The following NHLRC3 variants were observed in gnomAD, a reference collection of about 807,000 sequenced individuals.
NHLRC3 encodes the protein NHL repeat containing 3, also known as NHL repeat-containing protein 3.
NHLRC3 carries 23 observed loss-of-function variants against 32.0 expected under a neutral mutation model. The observed-to-expected ratio is 0.72, with a 90% CI of 0.52 to 1.02. The LOEUF (loss-of-function observed/expected upper bound fraction) is 1.02. NHLRC3 is among the 50% of genes least tolerant of loss of function. NHLRC3 has a pLI of 0.00. For missense variants in NHLRC3, 407 were observed against 406.8 expected (o/e 1.00, Z -0.01); for synonymous variants, 159 against 147.9 (o/e 1.08, Z -0.55).
intron 5 of NHLRC3, 50 bp downstream of exon 5, chr13:39,044,231 GT>G: frequency 4.0e-6 from 1 of 251,066 alleles, no homozygotes; most frequent in Non-Finnish European, 7.7e-6. Flanking sequence ...GAATATGTTT[GT>G]GTGTGTGTGT....
Position 39,038,470 on chromosome 13 carries a change from C to T in NHLRC3, c.-170C>T, listed in dbSNP as rs1318033421. ...CTGTGATTTTCATTCGCCCTGGTCTCTGTTCCCTTTCGTACTCAAAGCTCG... is the reference window on the plus strand; with the variant it reads ...CTGTGATTTTCATTCGCCCTGGTCTTTGTTCCCTTTCGTACTCAAAGCTCG... On this transcript the variant is annotated 5_prime_UTR_variant, in exon 1 of 7. Transcript: ENST00000379600. 1.6e-6 allele frequency: 1 copy of T among 640,486 alleles called. No homozygotes were observed. Among genetic ancestry groups the T allele is most frequent in the East Asian group, 2.6e-5 (1 of 38,268 alleles). 39.7% of individuals were successfully genotyped at this position (640,486 alleles called of 1,614,324 possible).
At chr13:39,039,061 T>TC in intron 1 of NHLRC3, 75 bp from the exon 2 acceptor site, 1 of 760,182 alleles carries the variant, frequency 1.3e-6, no homozygotes, top group Non-Finnish European at 2.3e-6. Flanking sequence ...TAAGCCCTGT[T>TC]ACCCGGCCCC....
At position 39,038,548 on chromosome 13, in the gene NHLRC3, C is replaced by T. The variant is rs1871294516; in HGVS notation, c.-92C>T. On this transcript the variant is annotated 5_prime_UTR_variant, in exon 1 of 7. Coordinates refer to ENST00000379600, the MANE Select transcript of NHLRC3 (RefSeq NM_001012754.4). Reference sequence around the variant, plus strand: ...AGGGTCTTCGGGCCCCGGGCAGACCCTCTGTGCCGCTGCAAACCGTTGCAG... The same window carrying T: ...AGGGTCTTCGGGCCCCGGGCAGACCTTCTGTGCCGCTGCAAACCGTTGCAG... The T allele has an allele frequency of 3.7e-6, 4 of 1,092,668 alleles. No individual in the cohort carries two copies. Among genetic ancestry groups the T allele is most frequent in the Admixed American group, 1.7e-5 (1 of 58,852 alleles). 67.7% of individuals were successfully genotyped at this position (1,092,668 alleles called of 1,614,324 possible).
At chr13:39,039,388 T>C in intron 2 of NHLRC3, 100 bp downstream of exon 2, 2 of 1,114,442 alleles carry the variant, frequency 1.8e-6, no homozygotes, top group Non-Finnish European at 2.6e-6. Context: ...ATCATGCTAA[T>C]TGTGCAATTT....
chr13:39,041,989 C>A, intron 3 of NHLRC3, 116 bp from the exon 4 acceptor site: 1 of 626,242 alleles, frequency 1.6e-6, no homozygotes, highest in Non-Finnish European at 2.8e-6. Context: ...TTTCCTAAGC[C>A]TATCACCTAT....
At chr13:39,046,037 A>C (rs1419590239) in intron 5 of NHLRC3, among the ~76,000 whole-genome samples, 1 of 152,180 alleles carries the variant, frequency 6.6e-6, no homozygotes, top group East Asian at 1.9e-4. Context: ...AAGTCATCAA[A>C]AACCATTTCC....
chr13:39,044,030 T>C (rs571007703), intron 4 of NHLRC3, 60 bp from the exon 5 acceptor site: 127 of 1,169,156 alleles, frequency 1.1e-4, no homozygotes, highest in Admixed American at 4.3e-4. Flanking sequence ...TTTCATAAAA[T>C]ATGCAAATGC....
chr13:39,044,127 AG>A lies in NHLRC3; in HGVS notation c.627del (p.Pro210LeufsTer39). 6.2e-7 allele frequency: 1 copy of A among 1,613,914 alleles called. No individual in the cohort carries two copies. The highest frequency in any genetic ancestry group is 8.5e-7 in the Non-Finnish European group (1 of 1,179,798). On this transcript the variant is annotated frameshift_variant, in exon 5 of 7. Transcript: ENST00000379600. LOFTEE classifies it high-confidence loss of function. ...TTTGGCTGCATGGAGAAAATGGGAC[AG>A]GGCCTGCTAAGTTCAACATACCTCA... ...ILWLHGENGT[G>X]PAKFNIPHSV...
At chr13:39,044,261 G>A (rs915807483) in intron 5 of NHLRC3, 80 bp downstream of exon 5, 2 of 966,970 alleles carry the variant, frequency 2.1e-6, no homozygotes, top group Non-Finnish European at 3.3e-6. Flanking sequence ...GTGTGTGTGT[G>A]TGTGTGTCTG....
chr13:39,047,767 G>C lies in NHLRC3; in HGVS notation c.885G>C (p.Glu295Asp), dbSNP rs749852332. Residue 295 changes from glutamate to aspartate, a missense_variant, in exon 7 of 7, where the codon GAG becomes GAC. Coordinates refer to ENST00000379600, the MANE Select transcript of NHLRC3 (RefSeq NM_001012754.4). ...VAAPPVGSIGECSVISTIQLA... is the reference protein window; with the variant it reads ...VAAPPVGSIGDCSVISTIQLA... ...CACCCCCAGTGGGAAGCATTGGGGA[G>C]TGTTCTGTGATCAGCACAATCCAAC... 6.2e-7 allele frequency: 1 copy of C among 1,614,130 alleles called. No homozygotes were observed. The highest frequency in any genetic ancestry group is 1.1e-5 in the South Asian group (1 of 91,082).
chr13:39,043,832 G>T (rs1457985400), intron 4 of NHLRC3, among the ~76,000 whole-genome samples: 3 of 152,024 alleles, frequency 2.0e-5, no homozygotes, highest in African/African-American at 7.2e-5. Context: ...CCTAAACAAT[G>T]ATTTTGAAGC....
At chr13:39,045,885 G>A (rs1487087051) in intron 5 of NHLRC3, among the ~76,000 whole-genome samples, 1 of 152,178 alleles carries the variant, frequency 6.6e-6, no homozygotes, top group East Asian at 1.9e-4. Context: ...TGATGAAGCT[G>A]TAATCAGGGT....
intron 2 of NHLRC3, 84 bp downstream of exon 2, chr13:39,039,372 G>T (rs962348300): frequency 8.4e-7 from 1 of 1,193,500 alleles, no homozygotes; most frequent in Non-Finnish European, 1.2e-6. Flanking sequence ...GACCATATGC[G>T]TTTATATCAT....
chr13:39,038,889 G>A (rs910573413), intron 1 of NHLRC3, 166 bp downstream of exon 1: 7 of 680,200 alleles, frequency 1.0e-5, no homozygotes, highest in African/African-American at 1.8e-5. Context: ...TTAAAAATTT[G>A]TGTATGTTAC....
chr13:39,047,612 GA>G (rs56227049), intron 6 of NHLRC3, 61 bp from the exon 7 acceptor site: 51 of 1,438,480 alleles, frequency 3.5e-5, no homozygotes, highest in African/African-American at 8.5e-5. Flanking sequence ...TTAAAATGTT[GA>G]AAAAAAATAC....
Position 39,047,694 on chromosome 13 carries a change from A to T in NHLRC3, c.812A>T (p.Tyr271Phe). ...CTTAGGTTTACTCCTGATGGGAAGTACTTGATTGTGGCCCAGCTGAATCTT... is the reference window on the plus strand; with the variant it reads ...CTTAGGTTTACTCCTGATGGGAAGTTCTTGATTGTGGCCCAGCTGAATCTT... ...SSVRFTPDGKYLIVAQLNLSR... is the reference protein window; with the variant it reads ...SSVRFTPDGKFLIVAQLNLSR... Residue 271 changes from tyrosine to phenylalanine, a missense_variant, in exon 7 of 7, where the codon TAC becomes TTC. By Grantham distance (22) the Tyr-to-Phe change is conservative. Transcript: ENST00000379600. 1 of 1,613,708 alleles carries T rather than the reference A, an allele frequency of 6.2e-7. No individual in the cohort carries two copies.
rs1162847996 is a variant in NHLRC3 at position 39,048,887 on chromosome 13, C to T, written c.*961C>T. ...TTGTTTTACATGAACTCAACTTATT[C>T]CTAACATTTGTCTACCTCAAAGAAA... is the stretch of plus-strand genomic sequence containing the variant. On this transcript the variant is annotated 3_prime_UTR_variant, in exon 7 of 7. Coordinates refer to ENST00000379600, the MANE Select transcript of NHLRC3 (RefSeq NM_001012754.4). The T allele has an allele frequency of 6.6e-6, 1 of 151,810 alleles. No individual in the cohort carries two copies. The highest frequency in any genetic ancestry group is 1.5e-5 in the Non-Finnish European group (1 of 67,874). The allele number at this position is 151,810 out of a possible 1,614,324, so 9.4% of individuals were successfully genotyped here.
intron 5 of NHLRC3, 117 bp from the exon 6 acceptor site, chr13:39,046,923 T>C: frequency 1.4e-6 from 1 of 736,534 alleles, no homozygotes; most frequent in East Asian, 2.7e-5. Context: ...CTTAACTACC[T>C]TCTTTGGAAT....
rs369744051 is a variant in NHLRC3 at position 39,047,149 on chromosome 13, T to C, written c.788T>C (p.Val263Ala). 2.2e-4 allele frequency: 345 copies of C among 1,569,524 alleles called. No individual in the cohort carries two copies. Among genetic ancestry groups the C allele is most frequent in the Non-Finnish European group, 3.0e-4 (340 of 1,142,034 alleles). ...TTCACAGAAGAGGGACCTTCTTCAGTCAGGTAATTGTTTCATTTTATTGCA... is the reference window on the plus strand; with the variant it reads ...TTCACAGAAGAGGGACCTTCTTCAGCCAGGTAATTGTTTCATTTTATTGCA... ...NCFTEEGPSS[V>A]RFTPDGKYLI... Residue 263 changes from valine to alanine, a missense_variant, in exon 6 of 7, where the codon GTC (valine) becomes GCC (alanine). Transcript: ENST00000379600.
Sources: allele counts gnomAD v4.1 joint callset (sites outside exome capture counted in the v4.1 genomes callset), GRCh38; gene constraint gnomAD v4.1.1; transcripts MANE v1.5; gene names NCBI Gene and HGNC (gene_info 2026-07-23, HGNC 2026-07-21).